The following TMEM117 variants were observed in gnomAD, a reference collection of about 807,000 sequenced individuals.
TMEM117 encodes the protein transmembrane protein 117.
In TMEM117, 27 loss-of-function variants were observed where a neutral mutation model predicts 52.4. The observed-to-expected ratio is 0.51, with a 90% CI of 0.38 to 0.71. The LOEUF is 0.71. Among genes scored for constraint, TMEM117 ranks in the 30% least tolerant of loss-of-function variants. TMEM117 has a pLI of 0.00. For missense variants in TMEM117, 556 were observed against 630.5 expected (o/e 0.88, Z 1.26); for synonymous variants, 215 against 206.3 (o/e 1.04, Z -0.36).
chr12:44,282,413 G>A (rs770567729), intron 5 of TMEM117, among the ~76,000 whole-genome samples: 15 of 152,162 alleles, frequency 9.9e-5, no homozygotes, highest in Non-Finnish European at 2.1e-4. Flanking sequence ...TTACTGAATG[G>A]CTTTGCCCAA....
At chr12:43,802,520 G>C in the TMEM117 span, 1 of 1,254,430 alleles carries the variant, frequency 8.0e-7, no homozygotes, top group South Asian at 1.4e-5. Flanking sequence ...TCAAGTGGTA[G>C]TGTGATGAAG....
intron 3 of TMEM117, among the ~76,000 whole-genome samples, chr12:43,997,173 G>T (rs979580096): frequency 6.6e-6 from 1 of 152,160 alleles, no homozygotes; most frequent in African/African-American, 2.4e-5. Flanking sequence ...AACTAACATA[G>T]AACCCAGATA....
chr12:44,226,604 G>A (rs55747421), intron 5 of TMEM117, among the ~76,000 whole-genome samples: 16,054 of 151,952 alleles, frequency 0.11, 935 homozygotes, highest in Middle Eastern at 0.2. Flanking sequence ...GCCTCAGAAT[G>A]TAACTGTATT....
intron 5 of TMEM117, among the ~76,000 whole-genome samples, chr12:44,235,023 C>T (rs1949978565): frequency 6.6e-6 from 1 of 151,510 alleles, no homozygotes; most frequent in African/African-American, 2.4e-5. Flanking sequence ...CTTTTAGTTA[C>T]TGAGAGCTAC....
intron 5 of TMEM117, among the ~76,000 whole-genome samples, chr12:44,267,426 T>A (rs1950392238): frequency 6.6e-6 from 1 of 152,134 alleles, no homozygotes; most frequent in Non-Finnish European, 1.5e-5. Flanking sequence ...AATTTGGAAA[T>A]AAGAATACAC....
intron 6 of TMEM117, among the ~76,000 whole-genome samples, chr12:44,321,556 T>G (rs1241962399): frequency 6.6e-6 from 1 of 152,164 alleles, no homozygotes; most frequent in Non-Finnish European, 1.5e-5. Context: ...AAATCTGGAT[T>G]CATTTTGCTA....
At chr12:43,991,705 A>G (rs984238075) in intron 3 of TMEM117, among the ~76,000 whole-genome samples, 1 of 152,198 alleles carries the variant, frequency 6.6e-6, no homozygotes, top group Non-Finnish European at 1.5e-5. Flanking sequence ...ATCTACGGAC[A>G]AAATGAGAGA....
chr12:44,289,761 C>G (rs1218868381), intron 5 of TMEM117, among the ~76,000 whole-genome samples: 2 of 151,842 alleles, frequency 1.3e-5, no homozygotes, highest in Non-Finnish European at 2.9e-5. Flanking sequence ...ACTATGTTGG[C>G]CAGGATGGTC....
intron 4 of TMEM117, among the ~76,000 whole-genome samples, chr12:44,162,808 A>G (rs1948915296): frequency 6.6e-6 from 1 of 152,210 alleles, no homozygotes; most frequent in South Asian, 2.1e-4. Context: ...TGACCTTTGG[A>G]GTAGGTATTG....
In TMEM117 at chr12:44,388,506, C is replaced by G; in HGVS notation, c.1379C>G (p.Pro460Arg). ...AACACCCAGGCTTCAGTAGAAGACC[C>G]CTTGAATGACCCTTCTTTGGTTTGC... is the stretch of plus-strand genomic sequence containing the variant. ...RENTQASVED[P>R]LNDPSLVCIR... The change falls in exon 8 of 8, where the codon CCC becomes CGC. Residue 460 changes from proline (P) to arginine (R), a missense_variant. Pro to Arg is a moderately radical substitution (Grantham distance 103). Transcript: ENST00000266534. The G allele has an allele frequency of 6.2e-7, 1 of 1,613,496 alleles. No individual in the cohort carries two copies. The highest frequency in any genetic ancestry group is 1.3e-5 in the African/African-American group (1 of 74,990).
chr12:44,380,691 A>G (rs1257591692), intron 7 of TMEM117, among the ~76,000 whole-genome samples: 3 of 152,194 alleles, frequency 2.0e-5, no homozygotes, highest in Admixed American at 6.5e-5. Context: ...TAAGGCACTT[A>G]TGACGCTGCC....
At chr12:44,025,899 C>T (rs1946525711) in intron 3 of TMEM117, among the ~76,000 whole-genome samples, 1 of 150,494 alleles carries the variant, frequency 6.6e-6, no homozygotes, top group South Asian at 2.1e-4. Context: ...AATTACCTAT[C>T]CGCCCCCCCC....
At chr12:43,977,820 AC>A (rs1404676002) in intron 3 of TMEM117, among the ~76,000 whole-genome samples, 23 of 152,158 alleles carry the variant, frequency 1.5e-4, no homozygotes, top group Non-Finnish European at 2.9e-5. Flanking sequence ...TTTGTGGGCC[AC>A]CCCATAAATG....
chr12:44,280,780 C>G (rs1013591179), intron 5 of TMEM117, among the ~76,000 whole-genome samples: 5 of 148,840 alleles, frequency 3.4e-5, no homozygotes, highest in Non-Finnish European at 7.4e-5. Flanking sequence ...ATTTTCCAAT[C>G]TTTTACATTA....
chr12:44,039,237 A>G (rs979590358), intron 3 of TMEM117, among the ~76,000 whole-genome samples: 3 of 152,090 alleles, frequency 2.0e-5, no homozygotes, highest in Non-Finnish European at 4.4e-5. Context: ...ATTCTTTCAC[A>G]GATTTCTTAT....
chr12:44,313,014 C>A lies in TMEM117; in HGVS notation c.768+13275C>A, dbSNP rs144260350. On this transcript the variant is annotated intron_variant, in intron 6 of 7. Coordinates refer to ENST00000266534, the MANE Select transcript of TMEM117 (RefSeq NM_032256.3). The stretch of plus-strand genomic sequence containing the variant: ...TATATTACAGATTCTGGATATTAAA[C>A]CTCTGTTGGATGCATAATTTGCAGA... Among the ~76,000 whole-genome samples the A allele has an allele frequency of 2.3e-3, 348 of 152,216 alleles. 4 individuals are homozygous for A. The highest frequency in any genetic ancestry group is 8.1e-3 in the African/African-American group (335 of 41,528).
At chr12:44,152,586 A>C (rs1427913641) in intron 4 of TMEM117, among the ~76,000 whole-genome samples, 1 of 122,278 alleles carries the variant, frequency 8.2e-6, no homozygotes, top group Non-Finnish European at 1.6e-5. Context: ...TATATATATA[A>C]TATTTATATC....
the TMEM117 span, among the ~76,000 whole-genome samples, chr12:43,821,563 G>A: frequency 1.3e-5 from 2 of 152,264 alleles, no homozygotes; most frequent in East Asian, 3.9e-4. Context: ...TTACAATTGT[G>A]AGCCACTGTG....
At chr12:43,862,704 T>TAA (rs1193848295) in intron 2 of TMEM117, among the ~76,000 whole-genome samples, 1 of 151,666 alleles carries the variant, frequency 6.6e-6, no homozygotes, top group Non-Finnish European at 1.5e-5. Flanking sequence ...CTAACTAGAG[T>TAA]GGTTAGGTTA....
Sources: allele counts gnomAD v4.1 joint callset (sites outside exome capture counted in the v4.1 genomes callset), GRCh38; gene constraint gnomAD v4.1.1; transcripts MANE v1.5; gene names NCBI Gene and HGNC (gene_info 2026-07-23, HGNC 2026-07-21).